BIRC6: variants seen among roughly 807,000 people sequenced by gnomAD.
The protein encoded by BIRC6 is baculoviral IAP repeat containing 6.
A neutral mutation model predicts 503.3 loss-of-function variants in BIRC6; 98 were observed. The observed-to-expected ratio is 0.19, with a 90% CI of 0.17 to 0.23. The LOEUF (loss-of-function observed/expected upper bound fraction) is 0.23, where lower values mean the gene tolerates loss of function less well. Among genes scored for constraint, BIRC6 ranks in the 10% least tolerant of loss-of-function variants. The pLI, the probability that BIRC6 is intolerant of heterozygous loss-of-function variation, is 1.00. For missense variants in BIRC6, 5,360 were observed against 5,806.0 expected (o/e 0.92, Z 2.50); for synonymous variants, 2,240 against 2,078.7 (o/e 1.08, Z -2.11).
At chr2:32,532,388 C>G (rs1268580959) in intron 61 of BIRC6, 1 of 403,802 alleles carries the variant, frequency 2.5e-6, no homozygotes, top group African/African-American at 2.2e-5. Context: ...TATTGGTTGC[C>G]AGTAGTTCTT....
At chr2:32,503,004 C>T (rs1028032102) in intron 48 of BIRC6, 38 bp from the exon 49 acceptor site, 1 of 1,534,220 alleles carries the variant, frequency 6.5e-7, no homozygotes, top group Non-Finnish European at 8.8e-7. Flanking sequence ...ACCATCTGTC[C>T]TGAGATCGAT....
chr2:32,513,918 A>G (rs1318442238), intron 54 of BIRC6, among the ~76,000 whole-genome samples: 1 of 152,096 alleles, frequency 6.6e-6, no homozygotes, highest in Non-Finnish European at 1.5e-5. Context: ...TCAAAAAAAA[A>G]AAGTCAGCCG....
intron 26 of BIRC6, among the ~76,000 whole-genome samples, chr2:32,465,499 A>G (rs1231999435): frequency 6.6e-6 from 1 of 152,118 alleles, no homozygotes; most frequent in Non-Finnish European, 1.5e-5. Flanking sequence ...TAGCCTTCTT[A>G]TAGTAGAACT....
intron 66 of BIRC6, among the ~76,000 whole-genome samples, chr2:32,583,589 A>T (rs766952087): frequency 2.0e-5 from 3 of 152,238 alleles, no homozygotes; most frequent in Non-Finnish European, 4.4e-5. Context: ...GAACTAGAAG[A>T]CAAGGTTAGA....
At chr2:32,599,482 AC>A (rs985354667) in intron 69 of BIRC6, among the ~76,000 whole-genome samples, 1 of 151,854 alleles carries the variant, frequency 6.6e-6, no homozygotes, top group South Asian at 2.1e-4. Context: ...TACTAAAAAT[AC>A]AAAAATTAAC....
intron 9 of BIRC6, among the ~76,000 whole-genome samples, chr2:32,414,531 G>A (rs1466137245): frequency 6.6e-6 from 1 of 152,126 alleles, no homozygotes; most frequent in African/African-American, 2.4e-5. Context: ...GCTGGGTGTG[G>A]TGGCGTGAGC....
chr2:32,472,604 G>A (rs2049229378), intron 32 of BIRC6, among the ~76,000 whole-genome samples: 3 of 152,114 alleles, frequency 2.0e-5, no homozygotes, highest in Admixed American at 1.3e-4. Flanking sequence ...GTGTGTTATT[G>A]GGCCCAAATT....
At chr2:32,555,122 G>A (rs755750983) in intron 65 of BIRC6, among the ~76,000 whole-genome samples, 2 of 152,092 alleles carry the variant, frequency 1.3e-5, no homozygotes, top group Non-Finnish European at 2.9e-5. Context: ...TCGAGCTGTC[G>A]TAACATGATA....
Position 32,515,157 on chromosome 2 carries a change from T to C in BIRC6, c.10736T>C (p.Met3579Thr). 1 of 1,613,976 alleles carries C rather than the reference T, an allele frequency of 6.2e-7. No individual in the cohort carries two copies. The highest frequency in any genetic ancestry group is 8.5e-7 in the Non-Finnish European group (1 of 1,179,878). Residue 3579 changes from methionine (M) to threonine (T), a missense_variant, in exon 55 of 74, where the codon ATG (methionine) becomes ACG (threonine). Transcript: ENST00000421745. The part of the protein sequence containing the change: ...PPVQCHHRLS[M>T]TDDSKKQDLS... ...GTGCAATGTCATCATAGACTGTCCATGACAGATGATAGCAAAAAGCAGGAT... is the reference window on the plus strand; with the variant it reads ...GTGCAATGTCATCATAGACTGTCCACGACAGATGATAGCAAAAAGCAGGAT...
At chr2:32,426,767 C>T (rs1376285311) in intron 10 of BIRC6, among the ~76,000 whole-genome samples, 2 of 152,166 alleles carry the variant, frequency 1.3e-5, no homozygotes, top group South Asian at 2.1e-4. Context: ...ATGTTGCTTT[C>T]CTTCCTCTTA....
Position 32,603,102 on chromosome 2 carries a change from A to G in BIRC6, c.14070+19A>G. 1 of 1,592,608 alleles carries G rather than the reference A, an allele frequency of 6.3e-7. No individual in the cohort carries two copies. On this transcript the variant is annotated intron_variant, in intron 71 of 73. Coordinates refer to ENST00000421745, the MANE Select transcript of BIRC6 (RefSeq NM_016252.4). ...TTTGCAAGTAAACAAAATTTCTCTG[A>G]CATTTTCACTTAAGAAATAAAGAAC... is the stretch of plus-strand genomic sequence containing the variant.
chr2:32,538,837 C>T (rs1438244508), intron 61 of BIRC6, among the ~76,000 whole-genome samples: 1 of 152,168 alleles, frequency 6.6e-6, no homozygotes, highest in Non-Finnish European at 1.5e-5. Context: ...GAGGCTGAGG[C>T]AGGAGAATCC....
chr2:32,532,357 T>G (rs2056853820), intron 61 of BIRC6: 1 of 422,672 alleles, frequency 2.4e-6, no homozygotes, highest in Non-Finnish European at 4.7e-6. Context: ...GAAGACTCCT[T>G]CCTTGCTTCT....
intron 65 of BIRC6, among the ~76,000 whole-genome samples, chr2:32,559,699 T>TGGG (rs978002112): frequency 5.3e-5 from 8 of 149,622 alleles, no homozygotes; most frequent in African/African-American, 1.7e-4. Context: ...TCCTCTTGGT[T>TGGG]GGGGGGGTCT....
rs756386453 is a variant in BIRC6, at chr2:32,477,349, T to G, written c.6853-19T>G. On this transcript the variant is annotated intron_variant, in intron 34 of 73. Coordinates refer to ENST00000421745, the MANE Select transcript of BIRC6 (RefSeq NM_016252.4). The stretch of plus-strand genomic sequence containing the variant: ...ATTAAGTAAACATTGATTTAAACAC[T>G]ATACATTTTTGTGTGCAGCACTTTA... 2 of 1,609,724 alleles carry G rather than the reference T, an allele frequency of 1.2e-6. No homozygotes were observed. The highest frequency in any genetic ancestry group is 1.7e-6 in the Non-Finnish European group (2 of 1,177,546).
rs777760533 is a variant in BIRC6 at position 32,593,960 on chromosome 2, T to C, written c.13401T>C (p.Ser4467=). ...AAACAGGAGTAAAACCAGATGCGTC[T>C]GATCAAGAACCAGAAGGACTTACTC... ...NVKTGVKPDA[S]DQEPEGLTLL... is the part of the protein sequence containing the mutation. The change falls in exon 67 of 74, where the codon TCT becomes TCC. Residue 4467 remains serine (S), a synonymous_variant. Coordinates refer to ENST00000421745, the MANE Select transcript of BIRC6 (RefSeq NM_016252.4). 2 of 1,613,734 alleles carry C rather than the reference T, an allele frequency of 1.2e-6. No individual in the cohort carries two copies. The highest frequency in any genetic ancestry group is 1.7e-6 in the Non-Finnish European group (2 of 1,179,738).
chr2:32,605,615 G>T (rs1290731842), intron 71 of BIRC6, among the ~76,000 whole-genome samples: 1 of 152,124 alleles, frequency 6.6e-6, no homozygotes, highest in Non-Finnish European at 1.5e-5. Context: ...TGTAATTTCA[G>T]CACTTTGGGA....
At chr2:32,535,941 A>G (rs546986615) in intron 61 of BIRC6, among the ~76,000 whole-genome samples, 5 of 152,170 alleles carry the variant, frequency 3.3e-5, no homozygotes, top group South Asian at 2.1e-4. Context: ...AAGTGTTCCT[A>G]TTTCTCCACA....
In BIRC6 at chr2:32,410,793, C is replaced by T. The variant is rs938316042; in HGVS notation, c.1478-3976C>T. Among the ~76,000 whole-genome samples the T allele has an allele frequency of 2.6e-5, 4 of 151,730 alleles. No homozygotes were observed. In the South Asian group the frequency reaches 8.3e-4, roughly 32 times the overall value. On this transcript the variant is annotated intron_variant, in intron 9 of 73. Coordinates refer to ENST00000421745, the MANE Select transcript of BIRC6 (RefSeq NM_016252.4). ...TCGGCTCACTGCAAGCTCCGCCTCCCGGGTTCACGCCATTCTGCTGCCTCA... is the reference window on the plus strand; with the variant it reads ...TCGGCTCACTGCAAGCTCCGCCTCCTGGGTTCACGCCATTCTGCTGCCTCA...
Sources: allele counts gnomAD v4.1 joint callset (sites outside exome capture counted in the v4.1 genomes callset), GRCh38; gene constraint gnomAD v4.1.1; transcripts MANE v1.5; gene names NCBI Gene and HGNC (gene_info 2026-07-23, HGNC 2026-07-21).